The following HNF4A variants were observed in gnomAD, a reference collection of about 807,000 sequenced individuals.
HNF4A encodes the protein hepatocyte nuclear factor 4-alpha.
In HNF4A, 15 loss-of-function variants were observed where a neutral mutation model predicts 52.4. The observed-to-expected ratio is 0.29, with a 90% CI of 0.19 to 0.44. The LOEUF (loss-of-function observed/expected upper bound fraction) is 0.44. Ranked by LOEUF, HNF4A falls within the 20% of genes least tolerant of loss-of-function variation. HNF4A has a pLI of 1.00. For missense variants in HNF4A, 479 were observed against 647.2 expected (o/e 0.74, Z 2.82); for synonymous variants, 280 against 264.4 (o/e 1.06, Z -0.57).
Position 44,356,587 on chromosome 20 carries a change from C to A in HNF4A, c.49+734C>A, listed in dbSNP as rs550732756. Among the ~76,000 whole-genome samples the A allele has an allele frequency of 3.9e-5, 6 of 152,238 alleles. No homozygotes were observed. The South Asian group carries it at 1.0e-3, about 26-fold the overall frequency. On this transcript the variant is annotated intron_variant, in intron 1 of 9. Transcript: ENST00000316673. ...CACATCTGTGTGTGACAGGGAAGAA[C>A]CTCTCAGTTAAATTAAGTGAAAACG...
chr20:44,403,532 G>A (rs1354500319), intron 1 of HNF4A, among the ~76,000 whole-genome samples: 1 of 152,208 alleles, frequency 6.6e-6, no homozygotes, highest in Non-Finnish European at 1.5e-5. Flanking sequence ...TTGGGGTTAT[G>A]TGAAGTTGTC....
chr20:44,380,135 T>C (rs2146246097), intron 1 of HNF4A, among the ~76,000 whole-genome samples: 1 of 152,362 alleles, frequency 6.6e-6, no homozygotes, highest in East Asian at 1.9e-4. Context: ...TGCCCTGGCC[T>C]CCCAAAGTGC....
chr20:44,378,761 A>G (rs2063114966), intron 1 of HNF4A, among the ~76,000 whole-genome samples: 1 of 151,898 alleles, frequency 6.6e-6, no homozygotes, highest in Non-Finnish European at 1.5e-5. Context: ...TACTAAAAAT[A>G]CAAAAAAATT....
chr20:44,395,177 C>T (rs546182736), intron 1 of HNF4A, among the ~76,000 whole-genome samples: 4 of 152,338 alleles, frequency 2.6e-5, no homozygotes, highest in African/African-American at 7.2e-5. Context: ...ACCACCGCTG[C>T]GTGGACTTGA....
chr20:44,428,310 C>A, intron 8 of HNF4A, 25 bp from the exon 9 acceptor site: 1 of 1,613,306 alleles, frequency 6.2e-7, no homozygotes. Context: ...GACTCTCCAT[C>A]CTGATCGACC....
At chr20:44,399,591 G>A (rs1369345758), upstream of HNF4A, among the ~76,000 whole-genome samples, 6 of 152,226 alleles carry the variant, frequency 3.9e-5, no homozygotes, top group South Asian at 2.1e-4. Context: ...GAACACACAT[G>A]CCCTGACTCC....
chr20:44,402,246 GTA>G (rs1163799951), intron 1 of HNF4A, among the ~76,000 whole-genome samples: 1 of 152,038 alleles, frequency 6.6e-6, no homozygotes. Context: ...ATGTAAGTGT[GTA>G]TGTGTGTGTA....
At chr20:44,415,397 T>A (rs1186347327) in intron 5 of HNF4A, among the ~76,000 whole-genome samples, 1 of 152,146 alleles carries the variant, frequency 6.6e-6, no homozygotes, top group Non-Finnish European at 1.5e-5. Flanking sequence ...GTACATTTTT[T>A]TGGAATACTG....
At chr20:44,394,768 GAGGCCTC>G (rs1453868067) in intron 1 of HNF4A, among the ~76,000 whole-genome samples, 1 of 152,236 alleles carries the variant, frequency 6.6e-6, no homozygotes, top group Non-Finnish European at 1.5e-5. Context: ...CATAACCCTG[GAGGCCTC>G]CTGCCCACCC....
In HNF4A at chr20:44,401,307, AGGGCGGGGGCCTTCG is replaced by A; in HGVS notation, c.-62_-48del. On this transcript the variant is annotated 5_prime_UTR_variant, in exon 1 of 10. Transcript: ENST00000316099. ...CTGGGAGGAGGCAGTGGGAGGGCGGAGGGCGGGGGCCTTCGGGGTGGGCGCCCAGGGTAGGGCAGG... is the reference window on the plus strand; with the variant it reads ...CTGGGAGGAGGCAGTGGGAGGGCGGAGGGTGGGCGCCCAGGGTAGGGCAGG... 9 of 750,618 alleles carry A rather than the reference AGGGCGGGGGCCTTCG, an allele frequency of 1.2e-5. No individual in the cohort carries two copies. Among genetic ancestry groups the A allele is most frequent in the Non-Finnish European group, 1.9e-5 (8 of 430,910 alleles). 46.5% of individuals were successfully genotyped at this position (750,618 alleles called of 1,614,324 possible). A position where few individuals can be genotyped will look rare whatever the true frequency, so the allele number is the denominator to read the frequency against.
At chr20:44,419,189 C>T (rs1488261523) in intron 6 of HNF4A, among the ~76,000 whole-genome samples, 1 of 152,222 alleles carries the variant, frequency 6.6e-6, no homozygotes, top group Admixed American at 6.5e-5. Context: ...ATTTTAAACG[C>T]TTGTACAGCA....
Position 44,418,412 on chromosome 20 carries a change from T to C in HNF4A, c.649-13T>C. ...GGGTACAGATGGCAAACACTGTTCC[T>C]TCTCTCTTTCAGGTGGCCCTGCTCA... On this transcript the variant is annotated splice_polypyrimidine_tract_variant and intron_variant, in intron 5 of 9. Coordinates refer to ENST00000316099, the MANE Select transcript of HNF4A (RefSeq NM_000457.6). 1.2e-6 allele frequency: 2 copies of C among 1,612,246 alleles called. No individual in the cohort carries two copies. Among genetic ancestry groups the C allele is most frequent in the Non-Finnish European group, 1.7e-6 (2 of 1,178,286 alleles).
In HNF4A at chr20:44,431,978, A is replaced by T. The variant is rs2063883202; in HGVS notation, c.*2313A>T. On this transcript the variant is annotated 3_prime_UTR_variant, in exon 10 of 10. Transcript: ENST00000316099. ...CAAGCCTTCCCCCACCACCTCACTC[A>T]AGTGCCCCTGAAATCCCTGCCAGAC... is the stretch of plus-strand genomic sequence containing the variant. 6.6e-6 allele frequency: 1 copy of T among 152,268 alleles called. No homozygotes were observed. Among genetic ancestry groups the T allele is most frequent in the South Asian group, 2.1e-4 (1 of 4,832 alleles). 9.4% of individuals were successfully genotyped at this position (152,268 alleles called of 1,614,324 possible).
intron 4 of HNF4A, 108 bp downstream of exon 4, chr20:44,413,908 G>A: frequency 2.6e-6 from 2 of 767,920 alleles, no homozygotes; most frequent in Non-Finnish European, 4.5e-6. Flanking sequence ...CTGACGGGAG[G>A]GGCCTCAGAT....
At chr20:44,400,740 C>T (rs1037987966), upstream of HNF4A, among the ~76,000 whole-genome samples, 3 of 152,082 alleles carry the variant, frequency 2.0e-5, no homozygotes, top group Non-Finnish European at 4.4e-5. Context: ...CCAGGGGAAC[C>T]GGGAAACTGC....
At chr20:44,371,234 AG>A (rs2063030459) in intron 1 of HNF4A, among the ~76,000 whole-genome samples, 1 of 152,210 alleles carries the variant, frequency 6.6e-6, no homozygotes, top group African/African-American at 2.4e-5. Context: ...CTTGTAAGTT[AG>A]AGGCTATGGG....
rs983005182 is a variant in HNF4A at position 44,383,773 on chromosome 20, T to C, written c.50-22285T>C. On this transcript the variant is annotated intron_variant, in intron 1 of 9. Coordinates refer to the HNF4A transcript ENST00000316673. Reference sequence around the variant, plus strand: ...ATCACCATGTTGGCTAGGGTGGTCTTGAACTCCTGACCTCAAGTGATCTGC... The same window carrying C: ...ATCACCATGTTGGCTAGGGTGGTCTCGAACTCCTGACCTCAAGTGATCTGC... Among the ~76,000 whole-genome samples, 7 of 152,014 alleles carry C rather than the reference T, an allele frequency of 4.6e-5. 1 individual carries two copies. Among genetic ancestry groups the C allele is most frequent in the Non-Finnish European group, 8.8e-5 (6 of 68,000 alleles).
chr20:44,397,632 T>C (rs1044327724), upstream of HNF4A, among the ~76,000 whole-genome samples: 131 of 143,718 alleles, frequency 9.1e-4, no homozygotes, highest in Middle Eastern at 7.1e-3. Context: ...GAAAACATTC[T>C]TTTTTTTTTT....
intron 1 of HNF4A, among the ~76,000 whole-genome samples, chr20:44,356,886 G>T (rs1305419683): frequency 1.3e-5 from 2 of 152,260 alleles, no homozygotes; most frequent in South Asian, 2.1e-4. Flanking sequence ...AGACCTCGGG[G>T]TCTAGTTGTG....
Sources: allele counts gnomAD v4.1 joint callset (sites outside exome capture counted in the v4.1 genomes callset), GRCh38; gene constraint gnomAD v4.1.1; transcripts MANE v1.5; gene names NCBI Gene and HGNC (gene_info 2026-07-23, HGNC 2026-07-21).